The following ZRANB3 variants were observed in gnomAD, a reference collection of about 807,000 sequenced individuals.
ZRANB3 encodes zinc finger RANBP2-type containing 3.
In ZRANB3, 125 loss-of-function variants were observed where a neutral mutation model predicts 133.8. The observed-to-expected ratio is 0.93, with a 90% CI of 0.81 to 1.08. The LOEUF (loss-of-function observed/expected upper bound fraction) is 1.08, where lower values mean the gene tolerates loss of function less well. Among genes scored for constraint, ZRANB3 ranks in the 50% least tolerant of loss-of-function variants. The probability of loss-of-function intolerance (pLI) is 0.00; values close to 1 mark genes in which losing one functional copy is unlikely to be tolerated. For missense variants in ZRANB3, 1,229 were observed against 1,275.5 expected (o/e 0.96, Z 0.56); for synonymous variants, 387 against 432.7 (o/e 0.89, Z 1.31).
At chr2:135,430,140 C>T (rs1340030992) in intron 2 of ZRANB3, among the ~76,000 whole-genome samples, 2 of 151,640 alleles carry the variant, frequency 1.3e-5, no homozygotes, top group Non-Finnish European at 2.9e-5. Context: ...CACACCACTG[C>T]GTTCCAGCAT....
intron 6 of ZRANB3, among the ~76,000 whole-genome samples, chr2:135,336,903 T>G (rs756739421): frequency 1.2e-4 from 19 of 152,128 alleles, no homozygotes; most frequent in Non-Finnish European, 1.8e-4. Flanking sequence ...ATTAAGGGCT[T>G]CCCACCAATA....
chr2:135,219,914 C>G (rs1008510182), intron 15 of ZRANB3, among the ~76,000 whole-genome samples: 2 of 152,006 alleles, frequency 1.3e-5, no homozygotes, highest in African/African-American at 4.8e-5. Flanking sequence ...CTCTGTCACC[C>G]AGGCTGGGGT....
At chr2:135,297,175 G>T (rs1041031734) in intron 8 of ZRANB3, among the ~76,000 whole-genome samples, 2 of 152,236 alleles carry the variant, frequency 1.3e-5, no homozygotes, top group Non-Finnish European at 2.9e-5. Flanking sequence ...GCCCTCAGAG[G>T]TGGAGCCTAC....
intron 2 of ZRANB3, among the ~76,000 whole-genome samples, chr2:135,426,102 T>C (rs899633972): frequency 3.9e-5 from 6 of 152,000 alleles, no homozygotes; most frequent in African/African-American, 1.4e-4. Flanking sequence ...GATAAATTTA[T>C]GGAAAAATAC....
At position 135,376,179 on chromosome 2, in the gene ZRANB3, G is replaced by C. The variant is rs192095160; in HGVS notation, c.180+14623C>G. 1.4e-3 allele frequency among the ~76,000 whole-genome samples: 208 copies of C among 152,270 alleles called. 3 individuals carry two copies. The highest frequency in any genetic ancestry group is 2.4e-3 in the Admixed American group (36 of 15,296). ...GCAAGTAGGACAAAGGCATGGAACA[G>C]ATTATCCCTCGGAAACATCAGAAGA... On this transcript the variant is annotated intron_variant, in intron 3 of 20. Transcript: ENST00000264159.
chr2:135,313,484 A>AGT lies in ZRANB3; in HGVS notation c.966+3_966+4dup, dbSNP rs1376651925. 2 of 1,577,510 alleles carry AGT rather than the reference A, an allele frequency of 1.3e-6. No homozygotes were observed. The highest frequency in any genetic ancestry group is 1.7e-6 in the Non-Finnish European group (2 of 1,150,380). On this transcript the variant is annotated splice_donor_region_variant and intron_variant, in intron 8 of 20. Coordinates refer to ENST00000264159, the MANE Select transcript of ZRANB3 (RefSeq NM_032143.4). ...ACAAATACATGATGGCCCAGCAAAG[A>AGT]GTACCTTGGCAATAGCAGTTTGTTT...
At chr2:135,461,999 C>T (rs1040037866) in intron 2 of ZRANB3, among the ~76,000 whole-genome samples, 1 of 151,988 alleles carries the variant, frequency 6.6e-6, no homozygotes, top group Non-Finnish European at 1.5e-5. Flanking sequence ...TTTACAGGTG[C>T]GGGATAGAGT....
chr2:135,237,403 A>G (rs1309686274), intron 12 of ZRANB3, among the ~76,000 whole-genome samples: 1 of 152,110 alleles, frequency 6.6e-6, no homozygotes, highest in African/African-American at 2.4e-5. Flanking sequence ...GGGATGTAGA[A>G]CTAGAAATAC....
At chr2:135,352,263 C>T (rs1314927544) in intron 4 of ZRANB3, among the ~76,000 whole-genome samples, 1 of 151,160 alleles carries the variant, frequency 6.6e-6, no homozygotes, top group African/African-American at 2.4e-5. Context: ...ACCCAGGATG[C>T]AGAGGTTGCA....
At chr2:135,404,105 C>T (rs577826729) in intron 2 of ZRANB3, among the ~76,000 whole-genome samples, 8 of 152,250 alleles carry the variant, frequency 5.3e-5, no homozygotes, top group South Asian at 2.1e-4. Context: ...GGATGCAGAA[C>T]GACTTTGACG....
At chr2:135,340,708 C>T (rs902807609) in intron 6 of ZRANB3, among the ~76,000 whole-genome samples, 18 of 151,886 alleles carry the variant, frequency 1.2e-4, no homozygotes, top group Admixed American at 5.2e-4. Context: ...CAAAAATTAG[C>T]CGGGTGTGGT....
intron 2 of ZRANB3, among the ~76,000 whole-genome samples, chr2:135,501,966 A>G (rs928393575): frequency 2.6e-5 from 4 of 152,198 alleles, no homozygotes; most frequent in African/African-American, 7.2e-5. Flanking sequence ...GGTATTATCA[A>G]TGACAATTAT....
chr2:135,320,475 T>C (rs776835510), intron 6 of ZRANB3, among the ~76,000 whole-genome samples: 16 of 152,178 alleles, frequency 1.1e-4, no homozygotes, highest in Non-Finnish European at 2.1e-4. Context: ...TTATGAAACA[T>C]GAACTTTCTT....
chr2:135,517,107 G>T (rs778705662), intron 1 of ZRANB3, among the ~76,000 whole-genome samples: 19 of 151,864 alleles, frequency 1.3e-4, no homozygotes, highest in Non-Finnish European at 2.1e-4. Context: ...CTCATGCTGT[G>T]TTTTTCAGCT....
chr2:135,299,054 C>G (rs1390702684), intron 8 of ZRANB3, among the ~76,000 whole-genome samples: 2 of 152,116 alleles, frequency 1.3e-5, no homozygotes, highest in African/African-American at 4.8e-5. Flanking sequence ...GGGCGATGGA[C>G]AGGACTATAT....
chr2:135,519,720 T>G (rs1228882967), intron 1 of ZRANB3, among the ~76,000 whole-genome samples: 2 of 152,216 alleles, frequency 1.3e-5, no homozygotes, highest in Non-Finnish European at 2.9e-5. Context: ...GTTGTTCACA[T>G]GTAGCAGACA....
At chr2:135,225,837 G>T (rs1019477048) in intron 14 of ZRANB3, among the ~76,000 whole-genome samples, 1 of 152,162 alleles carries the variant, frequency 6.6e-6, no homozygotes, top group Non-Finnish European at 1.5e-5. Flanking sequence ...TCTTGTAAAG[G>T]AATAATGGAG....
At chr2:135,413,416 A>C (rs1558982531) in intron 2 of ZRANB3, among the ~76,000 whole-genome samples, 1 of 152,184 alleles carries the variant, frequency 6.6e-6, no homozygotes, top group Non-Finnish European at 1.5e-5. Context: ...CATTTCCTTC[A>C]GTTTATAATG....
At chr2:135,499,814 T>C (rs1168827781) in intron 2 of ZRANB3, among the ~76,000 whole-genome samples, 1 of 152,200 alleles carries the variant, frequency 6.6e-6, no homozygotes, top group Non-Finnish European at 1.5e-5. Flanking sequence ...GTTTGTATTA[T>C]GTATCACCCA....
Sources: allele counts gnomAD v4.1 joint callset (sites outside exome capture counted in the v4.1 genomes callset), GRCh38; gene constraint gnomAD v4.1.1; transcripts MANE v1.5; gene names NCBI Gene and HGNC (gene_info 2026-07-23, HGNC 2026-07-21).